The following ADAP1 variants were observed in gnomAD, a reference collection of about 807,000 sequenced individuals.
ADAP1 encodes arf-GAP with dual PH domain-containing protein 1.
ADAP1 carries 31 observed loss-of-function variants against 54.9 expected under a neutral mutation model. The ratio of observed to expected loss-of-function variants is 0.56; its 90% CI spans 0.42 to 0.76. The LOEUF is 0.76. Ranked by LOEUF, ADAP1 falls within the 30% of genes least tolerant of loss-of-function variation. The pLI is 0.00. For missense variants in ADAP1, 535 were observed against 512.4 expected (o/e 1.04, Z -0.42); for synonymous variants, 313 against 202.6 (o/e 1.55, Z -4.63).
At chr7:935,003 C>T (rs927816882) in intron 2 of ADAP1, 15 of 375,600 alleles carry the variant, frequency 4.0e-5, no homozygotes, top group Non-Finnish European at 5.9e-5. Context: ...CGGCCTGGGA[C>T]GCTGCATTCT....
At chr7:937,157 GGGATTTGGGGGT>G (rs1846791101) in intron 1 of ADAP1, among the ~76,000 whole-genome samples, 1 of 96,080 alleles carries the variant, frequency 1.0e-5, no homozygotes, top group African/African-American at 4.0e-5. Flanking sequence ...CCCGGCCTCT[GGGATTTGGGGGT>G]CACGCCCGAC....
rs575960970 is a variant in ADAP1 at position 922,410 on chromosome 7, T to C, written c.306-2360A>G. Among the ~76,000 whole-genome samples the C allele has an allele frequency of 1.9e-3, 295 of 152,154 alleles. 1 individual carries two copies. Among genetic ancestry groups the C allele is most frequent in the African/African-American group, 6.9e-3 (285 of 41,502 alleles). On this transcript the variant is annotated intron_variant, in intron 3 of 10. Transcript: ENST00000265846. ...CGGGCAGGTGCTCAGGGCGACTGCCTCCCCTAGGTGTGGACTCACAGGGGA... is the reference window on the plus strand; with the variant it reads ...CGGGCAGGTGCTCAGGGCGACTGCCCCCCCTAGGTGTGGACTCACAGGGGA...
chr7:926,394 C>A lies in ADAP1; in HGVS notation c.305+159G>T, dbSNP rs1016424130. Among the ~76,000 whole-genome samples, 2 of 139,326 alleles carry A rather than the reference C, an allele frequency of 1.4e-5. No individual in the cohort carries two copies. Among genetic ancestry groups the A allele is most frequent in the Non-Finnish European group, 3.2e-5 (2 of 62,606 alleles). The allele number at this position is 139,326 out of a possible 152,430, so 91.4% of individuals were successfully genotyped here. A position where few individuals can be genotyped will look rare whatever the true frequency, so the allele number is the denominator to read the frequency against. On this transcript the variant is annotated intron_variant, in intron 3 of 10. Coordinates refer to ENST00000265846, the MANE Select transcript of ADAP1 (RefSeq NM_006869.4). The surrounding 1 kb of genome is among the most constrained non-coding windows in gnomAD (Gnocchi z 4.6). ...CCAAAGCCCGGTGGTGGCCAGCAGA[C>A]ACAGGCGGCACCTCGGGGTCTGGGG...
In ADAP1 at chr7:919,993, C is replaced by T. The variant is rs762127741; in HGVS notation, c.363G>A (p.Pro121=). The T allele has an allele frequency of 7.7e-5, 123 of 1,607,110 alleles. No homozygotes were observed. Among genetic ancestry groups the T allele is most frequent in the Non-Finnish European group, 9.2e-5 (109 of 1,179,424 alleles). Residue 121 remains proline (P), a synonymous_variant, in exon 4 of 11, where the codon CCG becomes CCA. Transcript: ENST00000265846. ...CTGCCGAGTAGGGCTCCTGCTTCTC[C>T]GGGTAGATGAACTCCTGTCGCTCGT... ...AKYERQEFIY[P]EKQEPYSAGY...
chr7:941,332 T>C (rs969175033), intron 1 of ADAP1, among the ~76,000 whole-genome samples: 9 of 151,948 alleles, frequency 5.9e-5, no homozygotes, highest in African/African-American at 1.9e-4. Flanking sequence ...TATAAAGAAA[T>C]AAAAAGCATC....
At chr7:947,857 G>T (rs566276535) in intron 1 of ADAP1, among the ~76,000 whole-genome samples, 2 of 151,882 alleles carry the variant, frequency 1.3e-5, no homozygotes, top group Non-Finnish European at 2.9e-5. Flanking sequence ...CCCTCACAGC[G>T]TCCCCCAGCC....
At chr7:921,072 G>A (rs1846176583) in intron 3 of ADAP1, among the ~76,000 whole-genome samples, 1 of 152,100 alleles carries the variant, frequency 6.6e-6, no homozygotes, top group Admixed American at 6.5e-5. Context: ...CCAAAATTCG[G>A]TCCCCGAAAG....
intron 4 of ADAP1, among the ~76,000 whole-genome samples, chr7:913,960 C>G (rs887894328): frequency 3.3e-5 from 5 of 152,176 alleles, no homozygotes; most frequent in South Asian, 2.1e-4. Context: ...TTCAGAAAAG[C>G]CCGGTGGTGA....
intron 10 of ADAP1, 41 bp downstream of exon 10, chr7:898,992 C>G: frequency 1.2e-6 from 2 of 1,609,882 alleles, no homozygotes; most frequent in Non-Finnish European, 1.7e-6. Flanking sequence ...CGGCGGGGAG[C>G]TGGGAGCCCT....
intron 1 of ADAP1, among the ~76,000 whole-genome samples, chr7:951,883 C>T (rs1211925801): frequency 6.6e-6 from 1 of 152,204 alleles, no homozygotes; most frequent in East Asian, 1.9e-4. Flanking sequence ...CTCACTGCAG[C>T]TTCCAACTCC....
At chr7:930,070 C>G (rs891013331) in intron 2 of ADAP1, among the ~76,000 whole-genome samples, 1 of 140,756 alleles carries the variant, frequency 7.1e-6, no homozygotes, top group East Asian at 2.2e-4. Flanking sequence ...AGCCACTGCC[C>G]TCCAGCCTGG....
chr7:915,915 G>A (rs1221291600), intron 4 of ADAP1, among the ~76,000 whole-genome samples: 5 of 142,786 alleles, frequency 3.5e-5, no homozygotes, highest in African/African-American at 7.7e-5. Context: ...CCCAGAACCC[G>A]CGCCCACTTT....
rs552897437 is a variant in ADAP1 at position 905,178 on chromosome 7, G to C, written c.389-6C>G. ...GAGAAAACCCTCACGGTACCCTGTGGGGGAAAGGGGACACGAGTCGGTGAC... is the reference window on the plus strand; with the variant it reads ...GAGAAAACCCTCACGGTACCCTGTGCGGGAAAGGGGACACGAGTCGGTGAC... On this transcript the variant is annotated splice_region_variant and splice_polypyrimidine_tract_variant and intron_variant, in intron 4 of 10. Transcript: ENST00000265846. 46 of 1,608,962 alleles carry C rather than the reference G, an allele frequency of 2.9e-5. No individual in the cohort carries two copies. In the South Asian group the frequency reaches 4.6e-4, roughly 16 times the overall value.
rs1341996282 is a variant in ADAP1, at chr7:945,831, G to A, written c.82+8565C>T. The A allele has an allele frequency of 2.0e-6, 2 of 985,534 alleles. No individual in the cohort carries two copies. Among genetic ancestry groups the A allele is most frequent in the African/African-American group, 1.7e-5 (1 of 57,256 alleles). The allele number at this position is 985,534 out of a possible 1,614,324, so 61.0% of individuals were successfully genotyped here. ...GGAGCTGGTCTGGGGCACCTGGGCA[G>A]GTGAGCCACATTCTTGGGCGGAGCC... On this transcript the variant is annotated intron_variant, in intron 1 of 10. Coordinates refer to ENST00000265846, the MANE Select transcript of ADAP1 (RefSeq NM_006869.4). This position sits in a 1 kb window ranked among gnomAD's most constrained non-coding sequence, Gnocchi z 4.2.
chr7:915,264 G>A lies in ADAP1; in HGVS notation c.388+4704C>T, dbSNP rs1201874149. On this transcript the variant is annotated intron_variant, in intron 4 of 10. Coordinates refer to ENST00000265846, the MANE Select transcript of ADAP1 (RefSeq NM_006869.4). ...CTCGCCTGTGCATCTCACCTGTGCC[G>A]CACACACCCGTACATCTCGTCTGTG... Among the ~76,000 whole-genome samples the A allele has an allele frequency of 2.7e-5, 3 of 111,480 alleles. No individual in the cohort carries two copies. In the Admixed American group the frequency reaches 2.7e-4, roughly 10 times the overall value. 73.1% of individuals were successfully genotyped at this position (111,480 alleles called of 152,430 possible). A position where few individuals can be genotyped will look rare whatever the true frequency, so the allele number is the denominator to read the frequency against.
chr7:947,380 G>A (rs1847167557), intron 1 of ADAP1, among the ~76,000 whole-genome samples: 1 of 151,936 alleles, frequency 6.6e-6, no homozygotes, highest in Non-Finnish European at 1.5e-5. Flanking sequence ...AAAGGAGAGA[G>A]AGAGACATTC....
At chr7:935,117 C>A (rs866821599) in intron 2 of ADAP1, 7 of 621,704 alleles carry the variant, frequency 1.1e-5, no homozygotes, top group Middle Eastern at 6.1e-4. Flanking sequence ...ATCGGCGACC[C>A]GCCTTCGCTC....
At chr7:914,738 G>A (rs561471423) in intron 4 of ADAP1, among the ~76,000 whole-genome samples, 1 of 152,280 alleles carries the variant, frequency 6.6e-6, no homozygotes, top group South Asian at 2.1e-4. Context: ...GACAGGCAGG[G>A]CATCTCACAG....
chr7:948,210 A>C (rs1583190560), intron 1 of ADAP1, among the ~76,000 whole-genome samples: 2 of 131,356 alleles, frequency 1.5e-5, no homozygotes, highest in African/African-American at 3.0e-5. Context: ...CTCCCTCCTC[A>C]CCCCATGTCT....
Sources: allele counts gnomAD v4.1 joint callset (sites outside exome capture counted in the v4.1 genomes callset), GRCh38; gene constraint gnomAD v4.1.1; non-coding constraint Gnocchi (gnomAD v3.1); transcripts MANE v1.5; gene names NCBI Gene and HGNC (gene_info 2026-07-23, HGNC 2026-07-21).